Variants in SDK1 observed in about 807,000 individuals in gnomAD.
SDK1 encodes the protein sidekick cell adhesion molecule 1, also known as protein sidekick-1.
SDK1 carries 157 observed loss-of-function variants against 245.5 expected under a neutral mutation model. That is an observed-to-expected ratio of 0.64 (90% confidence interval 0.56 to 0.73). SDK1 has a LOEUF of 0.73. Ranked by LOEUF, SDK1 falls within the 30% of genes least tolerant of loss-of-function variation. The pLI is 0.00. For missense variants in SDK1, 3,583 were observed against 3,002.3 expected, an observed-to-expected ratio of 1.19 and a Z score of -4.52; for synonymous variants, 1,647 against 1,278.5, an observed-to-expected ratio of 1.29 and a Z score of -6.15.
chr7:3,942,916 A>G (rs1780421227), intron 5 of SDK1, among the ~76,000 whole-genome samples: 1 of 152,314 alleles, frequency 6.6e-6, no homozygotes, highest in East Asian at 1.9e-4. Context: ...CTCAGGGAGA[A>G]TATGACTCAG....
intron 4 of SDK1, among the ~76,000 whole-genome samples, chr7:3,781,373 G>A (rs919571933): frequency 6.6e-6 from 1 of 152,088 alleles, no homozygotes; most frequent in African/African-American, 2.4e-5. Context: ...AGCTCTGCCT[G>A]CCCAGGATTA....
intron 4 of SDK1, among the ~76,000 whole-genome samples, chr7:3,707,904 G>A (rs1395765023): frequency 6.6e-6 from 1 of 152,046 alleles, no homozygotes; most frequent in Non-Finnish European, 1.5e-5. Context: ...TATTTGCATG[G>A]AATATCTTTT....
rs1783418150 is a variant in SDK1, at chr7:3,981,756, G to A, written c.1995-5430G>A. Among the ~76,000 whole-genome samples the A allele has an allele frequency of 2.0e-5, 3 of 152,332 alleles. 1 individual carries two copies. In the South Asian group the frequency reaches 6.2e-4, roughly 32 times the overall value. On this transcript the variant is annotated intron_variant, in intron 13 of 44. Transcript: ENST00000404826. ...TCTTCAGTTTTGTGAAGACAGAGAG[G>A]TGAGGAAGCTGCAGAAGAAAAATTG... is the stretch of plus-strand genomic sequence containing the variant.
rs947597327 is a variant in SDK1, at chr7:3,523,866, T to A, written c.299-95214T>A. Among the ~76,000 whole-genome samples, 3 of 152,202 alleles carry A rather than the reference T, an allele frequency of 2.0e-5. No homozygotes were observed. The East Asian group carries it at 5.8e-4, about 29-fold the overall frequency. On this transcript the variant is annotated intron_variant, in intron 1 of 44. Coordinates refer to ENST00000404826, the MANE Select transcript of SDK1 (RefSeq NM_152744.4). ...GCAGTCTTATGGTTGTACATTTGGT[T>A]TTCTACCCCCTTATGTGGCAAAAAT...
At chr7:3,930,603 G>A (rs1369275287) in intron 5 of SDK1, among the ~76,000 whole-genome samples, 1 of 152,150 alleles carries the variant, frequency 6.6e-6, no homozygotes, top group Non-Finnish European at 1.5e-5. Flanking sequence ...TTCGTAAGTG[G>A]GTTGAAATTA....
In SDK1 at chr7:4,175,791, G is replaced by C; in HGVS notation, c.4953G>C (p.Lys1651Asn). Residue 1651 changes from lysine to asparagine, a missense_variant, in exon 34 of 45, where the codon AAG becomes AAC. Lys to Asn is a moderately conservative substitution (Grantham distance 94, BLOSUM62 0). Transcript: ENST00000404826. ...HAELTAQSSF[K>N]TVNSSSTSTM... ...CCCCAATAGCCCAAAGCAGCTTCAA[G>C]ACGGTGAACAGCAGCTCCACATCGA... is the stretch of plus-strand genomic sequence containing the variant. The C allele has an allele frequency of 6.2e-7, 1 of 1,613,998 alleles. No homozygotes were observed. Among genetic ancestry groups the C allele is most frequent in the Non-Finnish European group, 8.5e-7 (1 of 1,180,016 alleles).
At chr7:3,707,861 T>G (rs112706531) in intron 4 of SDK1, among the ~76,000 whole-genome samples, 4,174 of 152,306 alleles carry the variant, frequency 0.027, 211 homozygotes, top group African/African-American at 0.096. Context: ...TTATGTGATA[T>G]AAGAATAGCT....
intron 19 of SDK1, among the ~76,000 whole-genome samples, chr7:4,057,792 C>T (rs375698494): frequency 2.0e-4 from 31 of 152,350 alleles, no homozygotes; most frequent in African/African-American, 7.5e-4. Flanking sequence ...ACAGACACCA[C>T]TGATGCTGTT....
chr7:3,723,488 TCA>T (rs1424078681), intron 4 of SDK1, among the ~76,000 whole-genome samples: 1 of 152,208 alleles, frequency 6.6e-6, no homozygotes, highest in Non-Finnish European at 1.5e-5. Context: ...TTTTCTTTAT[TCA>T]CACACTAGTA....
At chr7:3,873,031 A>G (rs1780994535) in intron 5 of SDK1, among the ~76,000 whole-genome samples, 1 of 152,038 alleles carries the variant, frequency 6.6e-6, no homozygotes, top group African/African-American at 2.4e-5. Flanking sequence ...TATTCCATTT[A>G]TGATGCTTTT....
chr7:3,928,127 A>G (rs768937068), intron 5 of SDK1, among the ~76,000 whole-genome samples: 3 of 152,248 alleles, frequency 2.0e-5, no homozygotes, highest in Non-Finnish European at 4.4e-5. Flanking sequence ...GCAATTAATG[A>G]TATAACTTCA....
At chr7:3,713,316 G>A (rs968281022) in intron 4 of SDK1, among the ~76,000 whole-genome samples, 1 of 152,190 alleles carries the variant, frequency 6.6e-6, no homozygotes, top group African/African-American at 2.4e-5. Context: ...AATTGGGGTT[G>A]TTTGTCTTTC....
At chr7:4,259,874 G>C (rs1004924808) in intron 44 of SDK1, among the ~76,000 whole-genome samples, 8 of 152,198 alleles carry the variant, frequency 5.3e-5, no homozygotes, top group Admixed American at 5.2e-4. Context: ...AGGGGTTGGG[G>C]AGCTCAGGTG....
intron 5 of SDK1, among the ~76,000 whole-genome samples, chr7:3,881,401 G>C (rs1376063099): frequency 6.6e-6 from 1 of 151,810 alleles, no homozygotes; most frequent in African/African-American, 2.4e-5. Flanking sequence ...ACGTCTTCCA[G>C]CTCCTTCTGC....
At chr7:3,842,645 A>G (rs1173814679) in intron 5 of SDK1, among the ~76,000 whole-genome samples, 4 of 152,158 alleles carry the variant, frequency 2.6e-5, no homozygotes, top group Admixed American at 6.5e-5. Context: ...GTGACGAACA[A>G]TCGTGAGTCC....
At chr7:3,938,390 C>G (rs971472824) in intron 5 of SDK1, among the ~76,000 whole-genome samples, 4 of 152,042 alleles carry the variant, frequency 2.6e-5, no homozygotes, top group African/African-American at 7.2e-5. Context: ...TGCCTGTAAT[C>G]CCAGCACTTT....
intron 1 of SDK1, among the ~76,000 whole-genome samples, chr7:3,555,709 C>G (rs953797851): frequency 3.9e-5 from 6 of 152,040 alleles, no homozygotes; most frequent in Non-Finnish European, 8.8e-5. Context: ...ATAAGGAGTT[C>G]AAGCAACTCT....
chr7:3,783,490 T>C (rs987109947), intron 4 of SDK1, among the ~76,000 whole-genome samples: 172 of 148,884 alleles, frequency 1.2e-3, no homozygotes, highest in African/African-American at 4.1e-3. Flanking sequence ...AAAAAAACCC[T>C]GTTGGAACTA....
intron 42 of SDK1, among the ~76,000 whole-genome samples, chr7:4,241,399 C>G (rs555127512): frequency 5.3e-5 from 8 of 152,242 alleles, no homozygotes; most frequent in Non-Finnish European, 8.8e-5. Context: ...CTTTGAGAGG[C>G]CGAGGTGGAA....
Sources: gnomAD v4.1 joint callset for allele counts (sites outside exome capture counted in the v4.1 genomes callset) on GRCh38, gnomAD v4.1.1 for gene constraint, MANE v1.5 for transcripts, NCBI Gene and HGNC (gene_info 2026-07-23, HGNC 2026-07-21) for gene names.